The following ZNF423 variants were observed in gnomAD, a reference collection of about 807,000 sequenced individuals.
ZNF423 encodes the protein zinc finger protein 423, also known as Ebf-associated zinc finger protein.
Under a neutral mutation model 95.8 loss-of-function variants are expected in ZNF423, and 12 were observed. The ratio of observed to expected loss-of-function variants is 0.13; its 90% CI spans 0.08 to 0.20. ZNF423 has a LOEUF of 0.20. ZNF423 is among the 10% of genes least tolerant of loss of function. ZNF423 has a pLI of 1.00. For missense variants in ZNF423, 1,316 were observed against 1,737.1 expected, an observed-to-expected ratio of 0.76 and a Z score of 4.31; for synonymous variants, 749 against 711.9, an observed-to-expected ratio of 1.05 and a Z score of -0.83.
At chr16:49,761,463 G>A (rs2033831878) in intron 2 of ZNF423, among the ~76,000 whole-genome samples, 2 of 152,196 alleles carry the variant, frequency 1.3e-5, no homozygotes, top group Non-Finnish European at 2.9e-5. Flanking sequence ...AAGATTGTGC[G>A]TTACTAGAAG....
At chr16:49,858,717 G>GCCCCC (rs35734564), upstream of ZNF423, among the ~76,000 whole-genome samples, 202 of 132,832 alleles carry the variant, frequency 1.5e-3, 2 homozygotes, top group Non-Finnish European at 2.2e-3. The surrounding 1 kb of genome is among the most constrained non-coding windows in gnomAD (Gnocchi z 4.3). Flanking sequence ...GGGAATAGGA[G>GCCCCC]CCCCCCCCCC....
chr16:49,525,839 G>C (rs1597051107), intron 5 of ZNF423, among the ~76,000 whole-genome samples: 1 of 152,256 alleles, frequency 6.6e-6, no homozygotes, highest in Admixed American at 6.5e-5. Context: ...ACAGGATGGA[G>C]AAGGTGGTCC....
Position 49,565,911 on chromosome 16 carries a change from GAAGGGAGGGGAGAGA to G in ZNF423, c.3602-40432_3602-40418del, listed in dbSNP as rs538665924. Reference sequence around the variant, plus strand: ...AGGGGGAGGGTTAAGAAAGGGAGAGGAAGGGAGGGGAGAGAAAGGGAGGGGAGGGGTGATAGGAAC... The same window carrying G: ...AGGGGGAGGGTTAAGAAAGGGAGAGGAAGGGAGGGGAGGGGTGATAGGAAC... On this transcript the variant is annotated intron_variant, in intron 5 of 7. Coordinates refer to ENST00000563137, the MANE Select transcript of ZNF423 (RefSeq NM_001379286.1). Among the ~76,000 whole-genome samples, 11 of 151,420 alleles carry G rather than the reference GAAGGGAGGGGAGAGA, an allele frequency of 7.3e-5. No homozygotes were observed. In the East Asian group the frequency reaches 2.0e-3, roughly 27 times the overall value.
chr16:49,544,198 G>A lies in ZNF423; in HGVS notation c.3602-18704C>T, dbSNP rs905803098. On this transcript the variant is annotated intron_variant, in intron 5 of 7. Coordinates refer to ENST00000563137, the MANE Select transcript of ZNF423 (RefSeq NM_001379286.1). ...TTTAAATCACCTCTAGCAACAAAAC[G>A]ACAGTATGGTCCAGAGGTGAGGCCA... Among the ~76,000 whole-genome samples the A allele has an allele frequency of 5.1e-4, 77 of 152,170 alleles. 1 individual carries two copies. The highest frequency in any genetic ancestry group is 1.8e-3 in the African/African-American group (76 of 41,438).
At chr16:49,617,823 G>A (rs1229178283) in intron 5 of ZNF423, among the ~76,000 whole-genome samples, 2 of 151,992 alleles carry the variant, frequency 1.3e-5, no homozygotes, top group African/African-American at 2.4e-5. Flanking sequence ...TCACACCCAG[G>A]ACACAATGGC....
At chr16:49,859,165 C>G (rs1022169278), upstream of ZNF423, among the ~76,000 whole-genome samples, 1 of 152,060 alleles carries the variant, frequency 6.6e-6, no homozygotes, top group Non-Finnish European at 1.5e-5. Flanking sequence ...TGGAGTCCCA[C>G]GGGGCTGCCC....
intron 5 of ZNF423, among the ~76,000 whole-genome samples, chr16:49,544,520 C>A (rs78614031): frequency 6.6e-6 from 1 of 152,178 alleles, no homozygotes; most frequent in Non-Finnish European, 1.5e-5. Flanking sequence ...CGAGGTAACA[C>A]CAAGGGGGAA....
chr16:49,513,154 G>A (rs1303624495), intron 7 of ZNF423, among the ~76,000 whole-genome samples: 2 of 152,136 alleles, frequency 1.3e-5, no homozygotes, highest in Non-Finnish European at 2.9e-5. Flanking sequence ...TCAGCAGCCA[G>A]CCCAACTCTC....
intron 2 of ZNF423, among the ~76,000 whole-genome samples, chr16:49,749,362 C>T (rs796373686): frequency 1.1e-4 from 17 of 152,324 alleles, no homozygotes; most frequent in African/African-American, 3.8e-4. Context: ...CGGCTTTCTC[C>T]CCAGAACTGC....
At chr16:49,682,020 C>T (rs2031379115) in intron 3 of ZNF423, among the ~76,000 whole-genome samples, 2 of 151,202 alleles carry the variant, frequency 1.3e-5, no homozygotes, top group African/African-American at 4.9e-5. Flanking sequence ...TTGCTCTCTG[C>T]CTCCCCTCAT....
intron 7 of ZNF423, among the ~76,000 whole-genome samples, chr16:49,491,622 G>A (rs145233044): frequency 2.0e-5 from 3 of 149,468 alleles, no homozygotes; most frequent in Non-Finnish European, 4.4e-5. Flanking sequence ...GGGAAATGCC[G>A]GGGAGGAGGC....
At position 49,700,354 on chromosome 16, in the gene ZNF423, G is replaced by A. The variant is rs377134178; in HGVS notation, c.301+30417C>T. 4.6e-5 allele frequency among the ~76,000 whole-genome samples: 7 copies of A among 152,290 alleles called. No individual in the cohort carries two copies. The East Asian group carries it at 9.7e-4, about 21-fold the overall frequency. ...CACCACAGGGCTCCCTGCCCTCTCC[G>A]TCTCCAAGCCCCTGCTGAAGCCCAC... On this transcript the variant is annotated intron_variant, in intron 3 of 7. Transcript: ENST00000563137.
intron 1 of ZNF423, among the ~76,000 whole-genome samples, chr16:49,830,585 T>C (rs1333888014): frequency 6.6e-6 from 1 of 152,188 alleles, no homozygotes; most frequent in African/African-American, 2.4e-5. Context: ...TGGGGACATT[T>C]AGGAGAGGTA....
At chr16:49,825,763 T>C (rs1029669300) in intron 1 of ZNF423, among the ~76,000 whole-genome samples, 1 of 152,288 alleles carries the variant, frequency 6.6e-6, no homozygotes, top group South Asian at 2.1e-4. Context: ...TCAATATCAA[T>C]GAGCGAGGGC....
chr16:49,537,227 C>T (rs1193308069), intron 5 of ZNF423, among the ~76,000 whole-genome samples: 1 of 152,200 alleles, frequency 6.6e-6, no homozygotes, highest in African/African-American at 2.4e-5. Context: ...TAACTTTGAA[C>T]CAACAAGTCA....
chr16:49,722,692 C>T (rs987894213), intron 3 of ZNF423, among the ~76,000 whole-genome samples: 13 of 152,164 alleles, frequency 8.5e-5, no homozygotes, highest in Non-Finnish European at 1.8e-4. Context: ...GCACACACCC[C>T]TTTGCCTTGC....
At chr16:49,742,343 AGGG>A (rs929677274) in intron 2 of ZNF423, among the ~76,000 whole-genome samples, 7 of 152,146 alleles carry the variant, frequency 4.6e-5, no homozygotes, top group Admixed American at 4.6e-4. Flanking sequence ...GGGAGGGAAG[AGGG>A]GAGGAGGGAA....
At chr16:49,599,932 G>A (rs1238080089) in intron 5 of ZNF423, among the ~76,000 whole-genome samples, 1 of 152,156 alleles carries the variant, frequency 6.6e-6, no homozygotes, top group East Asian at 1.9e-4. Context: ...TGTTGATGTG[G>A]GTGCTGGTTA....
intron 5 of ZNF423, among the ~76,000 whole-genome samples, chr16:49,604,317 C>T (rs1414482486): frequency 6.6e-6 from 1 of 152,188 alleles, no homozygotes; most frequent in African/African-American, 2.4e-5. Context: ...CAGCCACCCT[C>T]CAGGACAGGC....
Sources: allele counts gnomAD v4.1 joint callset (sites outside exome capture counted in the v4.1 genomes callset), GRCh38; gene constraint gnomAD v4.1.1; non-coding constraint Gnocchi (gnomAD v3.1); transcripts MANE v1.5; gene names NCBI Gene and HGNC (gene_info 2026-07-23, HGNC 2026-07-21).